Variants in CHN2 observed in about 807,000 individuals in gnomAD.
CHN2 encodes chimerin 2, also known as beta-chimaerin.
A neutral mutation model predicts 56.3 loss-of-function variants in CHN2; 35 were observed. That is an observed-to-expected ratio of 0.62 (90% CI 0.47 to 0.82). The LOEUF (loss-of-function observed/expected upper bound fraction) is 0.82, where lower values mean the gene tolerates loss of function less well. CHN2 is among the 40% of genes least tolerant of loss of function. The pLI is 0.00. For synonymous variants in CHN2, 210 were observed against 212.8 expected (o/e 0.99, Z 0.12); for missense variants, 491 against 580.5 (o/e 0.85, Z 1.58).
chr7:29,238,320 A>G (rs76992276), intron 1 of CHN2, among the ~76,000 whole-genome samples: 3,431 of 152,172 alleles, frequency 0.023, 63 homozygotes, highest in Non-Finnish European at 0.031. Flanking sequence ...ACCCGCCCAT[A>G]TATATTCTTT....
chr7:29,264,745 C>A (rs1789977470), intron 1 of CHN2, among the ~76,000 whole-genome samples: 1 of 151,896 alleles, frequency 6.6e-6, no homozygotes, highest in Non-Finnish European at 1.5e-5. Flanking sequence ...GACCTTCCCT[C>A]CACTATTGTC....
At chr7:29,182,865 G>T (rs245917) in intron 2 of CHN2, among the ~76,000 whole-genome samples, 1 of 151,986 alleles carries the variant, frequency 6.6e-6, no homozygotes, top group East Asian at 1.9e-4. Context: ...TTGCCCTTTT[G>T]TGTGGAAAAT....
chr7:29,507,248 T>A lies in CHN2; in HGVS notation c.1012T>A (p.Ser338Thr), dbSNP rs572592028. ...FDRDGEKADI[S>T]ANVYPDINII... is the part of the protein sequence containing the mutation. ...TTCAGATGGTGAAAAGGCCGATATA[T>A]CTGCCAATGTCTATCCAGACATAAA... Residue 338 changes from serine to threonine, a missense_variant, in exon 11 of 13, where the codon TCT (serine) becomes ACT (threonine). Coordinates refer to ENST00000222792, the MANE Select transcript of CHN2 (RefSeq NM_004067.4). 1 of 1,608,910 alleles carries A rather than the reference T, an allele frequency of 6.2e-7. No individual in the cohort carries two copies. The highest frequency in any genetic ancestry group is 1.1e-5 in the South Asian group (1 of 89,450).
chr7:29,402,157 A>C (rs1802272214), intron 6 of CHN2, among the ~76,000 whole-genome samples: 1 of 152,158 alleles, frequency 6.6e-6, no homozygotes, highest in East Asian at 1.9e-4. Flanking sequence ...GAGGGGCTTC[A>C]TCAGAAAGCC....
intron 6 of CHN2, among the ~76,000 whole-genome samples, chr7:29,478,587 G>A (rs1329856378): frequency 6.6e-6 from 1 of 152,150 alleles, no homozygotes; most frequent in East Asian, 1.9e-4. Flanking sequence ...ATGGGCGCTG[G>A]ACACAGATGC....
At chr7:29,355,174 T>A (rs1798199188) in intron 2 of CHN2, among the ~76,000 whole-genome samples, 1 of 152,050 alleles carries the variant, frequency 6.6e-6, no homozygotes, top group African/African-American at 2.4e-5. Flanking sequence ...TTTCTCCATG[T>A]TGGTCAGGAT....
rs1554299029 is a variant in CHN2, at chr7:29,473,482, T to TGTGTGTGTGTGTTTGTG, written c.577-6797_577-6796insGTGTGTGTGTGTTTGTG. On this transcript the variant is annotated intron_variant, in intron 6 of 12. Transcript: ENST00000222792. ...TGTGTGTGTTTGTGTTTTTTTTTTTTTGTGTGTGTGTGTGTGTGTGTGTGT... is the reference window on the plus strand; with the variant it reads ...TGTGTGTGTTTGTGTTTTTTTTTTTTGTGTGTGTGTGTTTGTGTGTGTGTGTGTGTGTGTGTGTGTGT... Among the ~76,000 whole-genome samples, 61 of 118,196 alleles carry TGTGTGTGTGTGTTTGTG rather than the reference T, an allele frequency of 5.2e-4. No homozygotes were observed. The East Asian group carries it at 7.3e-3, about 14-fold the overall frequency. 77.5% of individuals were successfully genotyped at this position (118,196 alleles called of 152,430 possible).
At chr7:29,450,879 C>A (rs757746115) in intron 6 of CHN2, among the ~76,000 whole-genome samples, 5 of 151,826 alleles carry the variant, frequency 3.3e-5, no homozygotes, top group African/African-American at 1.2e-4. Flanking sequence ...TCAAGCAATT[C>A]TCTGCCTCAG....
intron 2 of CHN2, among the ~76,000 whole-genome samples, chr7:29,358,387 CCCTG>C (rs1359153843): frequency 1.3e-5 from 2 of 151,912 alleles, no homozygotes; most frequent in Non-Finnish European, 2.9e-5. Flanking sequence ...AACAGCGAGA[CCCTG>C]TCTCTAAAAA....
intron 7 of CHN2, among the ~76,000 whole-genome samples, chr7:29,494,410 G>A (rs1248026667): frequency 6.6e-6 from 1 of 152,060 alleles, no homozygotes; most frequent in Non-Finnish European, 1.5e-5. Flanking sequence ...TATGATTGCT[G>A]AATTTAGAAA....
intron 1 of CHN2, among the ~76,000 whole-genome samples, chr7:29,195,629 A>AGAGAGAGAGAGAGT (rs869037854): frequency 3.4e-5 from 4 of 117,578 alleles, no homozygotes; most frequent in South Asian, 2.9e-4. Context: ...AGAGAGAGAG[A>AGAGAGAGAGAGAGT]GTGTGTGTGT....
chr7:29,349,979 A>G lies in CHN2; in HGVS notation c.50-4646A>G, dbSNP rs560569577. 2.0e-5 allele frequency among the ~76,000 whole-genome samples: 3 copies of G among 152,342 alleles called. No homozygotes were observed. The South Asian group carries it at 6.2e-4, about 32-fold the overall frequency. On this transcript the variant is annotated intron_variant, in intron 1 of 12. Transcript: ENST00000222792. The stretch of plus-strand genomic sequence containing the variant: ...CAATGCGTGTGTGTGCACAGATGGA[A>G]TATGTTCCACCATTTGGCTTAATGA...
At chr7:29,304,691 C>T (rs1055626097) in intron 1 of CHN2, among the ~76,000 whole-genome samples, 37 of 152,310 alleles carry the variant, frequency 2.4e-4, no homozygotes, top group Admixed American at 1.7e-3. Flanking sequence ...CTTAAGCCCT[C>T]GCCCATGTAG....
chr7:29,462,376 T>G (rs1466873382), intron 6 of CHN2, among the ~76,000 whole-genome samples: 1 of 152,218 alleles, frequency 6.6e-6, no homozygotes, highest in East Asian at 1.9e-4. Context: ...CATGTTCTGT[T>G]GGGTCAGAAA....
chr7:29,396,939 T>C (rs1243244851), intron 4 of CHN2: 1 of 152,494 alleles, frequency 6.6e-6, no homozygotes, highest in Non-Finnish European at 1.5e-5. Flanking sequence ...ACACCTGCTA[T>C]GCAGGGCCAG....
chr7:29,291,142 G>A (rs1204755356), intron 1 of CHN2, among the ~76,000 whole-genome samples: 1 of 152,138 alleles, frequency 6.6e-6, no homozygotes, highest in Non-Finnish European at 1.5e-5. Context: ...CCAGCGGAGT[G>A]TTTCTAGAGG....
At chr7:29,496,125 C>A in intron 8 of CHN2, 89 bp downstream of exon 8, 2 of 1,054,750 alleles carry the variant, frequency 1.9e-6, no homozygotes, top group Non-Finnish European at 2.7e-6. Flanking sequence ...GAAATGTGCT[C>A]AGATTAGCTC....
At position 29,439,578 on chromosome 7, in the gene CHN2, A is replaced by G. The variant is rs566342067; in HGVS notation, c.576+38750A>G. Among the ~76,000 whole-genome samples the G allele has an allele frequency of 2.6e-4, 39 of 152,066 alleles. No homozygotes were observed. In the South Asian group the frequency reaches 8.1e-3, roughly 32 times the overall value. On this transcript the variant is annotated intron_variant, in intron 6 of 12. Coordinates refer to ENST00000222792, the MANE Select transcript of CHN2 (RefSeq NM_004067.4). The stretch of plus-strand genomic sequence containing the variant: ...CCTCACTCAGGCCCTCTTCATCCAC[A>G]TCCCCCATATGACCCTCTGCTGTCT...
chr7:29,219,841 C>CT lies in CHN2; in HGVS notation c.49+24851_49+24852insT, dbSNP rs370886129. Among the ~76,000 whole-genome samples, 235 of 152,178 alleles carry CT rather than the reference C, an allele frequency of 1.5e-3. 1 individual carries two copies. Among genetic ancestry groups the CT allele is most frequent in the African/African-American group, 5.3e-3 (220 of 41,528 alleles). On this transcript the variant is annotated intron_variant, in intron 1 of 12. Coordinates refer to ENST00000222792, the MANE Select transcript of CHN2 (RefSeq NM_004067.4). ...CCTGTAATCCCAGCACTTTAGGAGG[C>CT]GAGGTGGGCGGATCACCACGTCAGG...
Sources: allele counts gnomAD v4.1 joint callset (sites outside exome capture counted in the v4.1 genomes callset), GRCh38; gene constraint gnomAD v4.1.1; transcripts MANE v1.5; gene names NCBI Gene and HGNC (gene_info 2026-07-23, HGNC 2026-07-21).